The following RXFP1 variants were observed in gnomAD, a reference collection of about 807,000 sequenced individuals.
The protein encoded by RXFP1 is relaxin receptor 1.
RXFP1 carries 73 observed loss-of-function variants against 89.8 expected under a neutral mutation model. The ratio of observed to expected loss-of-function variants is 0.81; its 90% CI spans 0.67 to 0.99. The LOEUF (loss-of-function observed/expected upper bound fraction) is 0.99, where lower values mean the gene tolerates loss of function less well. Ranked by LOEUF, RXFP1 falls within the 50% of genes least tolerant of loss-of-function variation. The pLI is 0.00. For synonymous variants in RXFP1, 277 were observed against 305.5 expected, an observed-to-expected ratio of 0.91 and a Z score of 0.97; for missense variants, 793 against 895.5, an observed-to-expected ratio of 0.89 and a Z score of 1.46.
intron 3 of RXFP1, among the ~76,000 whole-genome samples, chr4:158,596,439 T>C (rs937883088): frequency 1.3e-5 from 2 of 152,050 alleles, no homozygotes; most frequent in Non-Finnish European, 2.9e-5. Flanking sequence ...TATGTATTTT[T>C]AGTAGAAACG....
At chr4:158,617,018 A>C (rs1764720166) in intron 8 of RXFP1, 113 bp from the exon 9 acceptor site, 3 of 708,396 alleles carry the variant, frequency 4.2e-6, no homozygotes, top group Non-Finnish European at 6.8e-6. Context: ...GAAGGAAAAA[A>C]CAACTAATTT....
chr4:158,527,416 G>A (rs181401523), intron 1 of RXFP1, among the ~76,000 whole-genome samples: 2,026 of 151,222 alleles, frequency 0.013, 36 homozygotes, highest in African/African-American at 0.046. Context: ...GGTGGTGGGC[G>A]TCTGTAATCC....
chr4:158,618,039 C>G (rs1198941391), intron 9 of RXFP1, among the ~76,000 whole-genome samples: 1 of 152,080 alleles, frequency 6.6e-6, no homozygotes, highest in African/African-American at 2.4e-5. Context: ...CTGTACTAAT[C>G]TGCAACCTCT....
At chr4:158,527,587 A>T (rs1742922434) in intron 1 of RXFP1, among the ~76,000 whole-genome samples, 1 of 146,768 alleles carries the variant, frequency 6.8e-6, no homozygotes, top group Non-Finnish European at 1.5e-5. Context: ...ATGTATATAT[A>T]TACTGTTGCC....
At chr4:158,550,833 A>G (rs924523870) in intron 1 of RXFP1, among the ~76,000 whole-genome samples, 1 of 152,184 alleles carries the variant, frequency 6.6e-6, no homozygotes, top group Non-Finnish European at 1.5e-5. Flanking sequence ...TATCCAAGCA[A>G]TTTATTCCTC....
intron 2 of RXFP1, among the ~76,000 whole-genome samples, chr4:158,573,381 A>G (rs1413146538): frequency 6.6e-6 from 1 of 152,192 alleles, no homozygotes; most frequent in Admixed American, 6.5e-5. Context: ...TCACAGAGTA[A>G]GTTTTAACCA....
At chr4:158,527,243 T>C (rs1742739759) in intron 1 of RXFP1, among the ~76,000 whole-genome samples, 1 of 152,050 alleles carries the variant, frequency 6.6e-6, no homozygotes, top group African/African-American at 2.4e-5. Flanking sequence ...GTTATTCCAT[T>C]GATTAAAACA....
At chr4:158,643,430 A>G (rs1186131890) in intron 14 of RXFP1, among the ~76,000 whole-genome samples, 3 of 150,734 alleles carry the variant, frequency 2.0e-5, no homozygotes, top group Non-Finnish European at 4.4e-5. Flanking sequence ...TTTTCTTTGA[A>G]TAGATTCTCA....
chr4:158,562,106 G>T (rs952912384), intron 1 of RXFP1, among the ~76,000 whole-genome samples: 2 of 151,950 alleles, frequency 1.3e-5, no homozygotes, highest in Non-Finnish European at 2.9e-5. Context: ...AAATTAGTAG[G>T]TTCATCTGTT....
chr4:158,545,360 G>A (rs1471981009), intron 1 of RXFP1, among the ~76,000 whole-genome samples: 1 of 152,198 alleles, frequency 6.6e-6, no homozygotes, highest in Non-Finnish European at 1.5e-5. Context: ...CCCTTTGTCA[G>A]ATAGGTAGGT....
intron 14 of RXFP1, among the ~76,000 whole-genome samples, chr4:158,641,252 C>G (rs1043805658): frequency 6.6e-6 from 1 of 152,082 alleles, no homozygotes; most frequent in African/African-American, 2.4e-5. Flanking sequence ...TAATTTATAG[C>G]CTCTGGAATT....
At chr4:158,650,762 CTATCTCAGGAAAAAAAAACAAT>C (rs2150281539) in intron 17 of RXFP1, among the ~76,000 whole-genome samples, 1 of 151,830 alleles carries the variant, frequency 6.6e-6, no homozygotes, top group East Asian at 1.9e-4. Context: ...GAGCAAGACT[CTATCTCAGGAAAAAAAAACAAT>C]TGTATATATT....
chr4:158,555,304 G>T lies in RXFP1; in HGVS notation c.50-17394G>T, dbSNP rs924430867. The stretch of plus-strand genomic sequence containing the variant: ...GTTCCCAAGAAATGTGTATTGAAAC[G>T]CTTAAGGTTTTAGTTCTGAGACAGG... On this transcript the variant is annotated intron_variant, in intron 1 of 17. Coordinates refer to ENST00000307765, the MANE Select transcript of RXFP1 (RefSeq NM_021634.4). Among the ~76,000 whole-genome samples, 4 of 152,104 alleles carry T rather than the reference G, an allele frequency of 2.6e-5. No homozygotes were observed. In the South Asian group the frequency reaches 8.3e-4, roughly 32 times the overall value.
At chr4:158,554,837 G>A (rs763194470) in intron 1 of RXFP1, among the ~76,000 whole-genome samples, 10 of 152,026 alleles carry the variant, frequency 6.6e-5, no homozygotes, top group Non-Finnish European at 8.8e-5. Flanking sequence ...ATAGCTGTGC[G>A]GAAACATTAT....
intron 4 of RXFP1, among the ~76,000 whole-genome samples, chr4:158,601,461 C>T (rs927687521): frequency 6.6e-6 from 1 of 152,082 alleles, no homozygotes; most frequent in Admixed American, 6.6e-5. Flanking sequence ...AGGAATAAAG[C>T]TCAGGAGTTT....
intron 17 of RXFP1, among the ~76,000 whole-genome samples, chr4:158,649,970 A>C (rs1210901982): frequency 6.6e-6 from 1 of 152,260 alleles, no homozygotes; most frequent in Non-Finnish European, 1.5e-5. Context: ...CACAATAGCC[A>C]AAAGTTAGAA....
rs1326605690 is a variant in RXFP1, at chr4:158,580,974, G to A, written c.187+8139G>A. On this transcript the variant is annotated intron_variant, in intron 2 of 17. Transcript: ENST00000307765. ...CACCACACCTGGCTAATTTTTAATAGAGACAGGGTTTCACCATGTGGTCCA... is the reference window on the plus strand; with the variant it reads ...CACCACACCTGGCTAATTTTTAATAAAGACAGGGTTTCACCATGTGGTCCA... 2.0e-5 allele frequency among the ~76,000 whole-genome samples: 3 copies of A among 151,966 alleles called. No individual in the cohort carries two copies. The East Asian group carries it at 5.8e-4, about 29-fold the overall frequency.
chr4:158,612,290 G>C lies in RXFP1; in HGVS notation c.609-1G>C. ...ATTAATTTTTTTCTTCTGGCTGTCA[G>C]GATAATTGAAGATAATCACCTCAGT... On this transcript the variant is annotated splice_acceptor_variant, in intron 7 of 17. Coordinates refer to ENST00000307765, the MANE Select transcript of RXFP1 (RefSeq NM_021634.4). LOFTEE classifies it high-confidence loss of function. 6.2e-7 allele frequency: 1 copy of C among 1,610,974 alleles called. No individual in the cohort carries two copies. Among genetic ancestry groups the C allele is most frequent in the East Asian group, 2.2e-5 (1 of 44,756 alleles).
chr4:158,648,150 A>T (rs1173089996), intron 16 of RXFP1, among the ~76,000 whole-genome samples: 1 of 152,212 alleles, frequency 6.6e-6, no homozygotes, highest in East Asian at 1.9e-4. Context: ...CACTTCAGTC[A>T]GTGACAGAGC....
Sources: gnomAD v4.1 joint callset for allele counts (sites outside exome capture counted in the v4.1 genomes callset) on GRCh38, gnomAD v4.1.1 for gene constraint, MANE v1.5 for transcripts, NCBI Gene and HGNC (gene_info 2026-07-23, HGNC 2026-07-21) for gene names.